The following DUXA variants were observed in gnomAD, a reference collection of about 807,000 sequenced individuals.
DUXA encodes the protein double homeobox protein A.
A neutral mutation model predicts 27.5 loss-of-function variants in DUXA; 25 were observed. The observed-to-expected ratio is 0.91, with a 90% CI of 0.66 to 1.27. The LOEUF (loss-of-function observed/expected upper bound fraction) is 1.27, where lower values mean the gene tolerates loss of function less well. DUXA is among the 50% of genes most tolerant of loss of function. DUXA has a pLI of 0.00. For missense variants in DUXA, 247 were observed against 242.9 expected, an observed-to-expected ratio of 1.02 and a Z score of -0.11; for synonymous variants, 90 against 80.5, an observed-to-expected ratio of 1.12 and a Z score of -0.63.
intron 1 of DUXA, among the ~76,000 whole-genome samples, chr19:57,162,488 C>T (rs1199193516): frequency 6.6e-6 from 1 of 152,204 alleles, no homozygotes; most frequent in Non-Finnish European, 1.5e-5. Flanking sequence ...GCTAGAAGTT[C>T]AGTTAAAAGA....
At chr19:57,163,830 A>AT (rs1048186197) in intron 1 of DUXA, among the ~76,000 whole-genome samples, 7 of 152,004 alleles carry the variant, frequency 4.6e-5, no homozygotes, top group South Asian at 2.1e-4. Context: ...TTTGTCTTAC[A>AT]TTTTTTTCAA....
chr19:57,158,417 T>C lies in DUXA; in HGVS notation c.349A>G (p.Ile117Val), dbSNP rs368196571. 3.1e-6 allele frequency: 5 copies of C among 1,612,924 alleles called. No homozygotes were observed. Among genetic ancestry groups the C allele is most frequent in the African/African-American group, 1.3e-5 (1 of 74,886 alleles). The change falls in exon 4 of 6, where the codon ATC becomes GTC. Residue 117 changes from isoleucine to valine, a missense_variant. By Grantham distance (29) the Ile-to-Val change is conservative (BLOSUM62 3). Transcript: ENST00000554048. ...TATGGGTTTTTCATAAATGCCTTGA[T>C]GAGAGTGTGTAACTGAGAGGCGCTG... ...TYSASQLHTL[I>V]KAFMKNPYPG...
In DUXA at chr19:57,161,435, AAC is replaced by A. The variant is rs2087022047; in HGVS notation, c.26-640_26-639del. On this transcript the variant is annotated intron_variant, in intron 1 of 5. Coordinates refer to ENST00000554048, the MANE Select transcript of DUXA (RefSeq NM_001012729.2). ...TCAGGAGATCGAGACCATCCTGGCT[AAC>A]ATGATGAAACCCCGTCTCTACTAAA... Among the ~76,000 whole-genome samples the A allele has an allele frequency of 2.0e-5, 3 of 150,028 alleles. No homozygotes were observed. The South Asian group carries it at 6.3e-4, about 31-fold the overall frequency.
At chr19:57,159,976 G>T (rs904297173) in intron 2 of DUXA, among the ~76,000 whole-genome samples, 1 of 152,006 alleles carries the variant, frequency 6.6e-6, no homozygotes. Context: ...ATGGCGGCAG[G>T]CGCCTGTAGT....
intron 1 of DUXA, among the ~76,000 whole-genome samples, chr19:57,162,204 A>G (rs1424120742): frequency 1.3e-5 from 2 of 152,064 alleles, no homozygotes; most frequent in East Asian, 1.9e-4. Flanking sequence ...TATTTTTTTT[A>G]CTTTGACCTC....
intron 4 of DUXA, 21 bp from the exon 5 acceptor site, chr19:57,155,393 A>G: frequency 6.4e-7 from 1 of 1,559,190 alleles, no homozygotes; most frequent in Non-Finnish European, 8.8e-7. Flanking sequence ...AGACAAAGAA[A>G]CTTAATTTAA....
rs1374627075 is a variant in DUXA, at chr19:57,165,318, A to T, written c.25+2101T>A. Among the ~76,000 whole-genome samples, 179 of 97,062 alleles carry T rather than the reference A, an allele frequency of 1.8e-3. 1 individual carries two copies. The highest frequency in any genetic ancestry group is 6.1e-3 in the African/African-American group (169 of 27,560). The allele number at this position is 97,062 out of a possible 152,430, so 63.7% of individuals were successfully genotyped here. Reference sequence around the variant, plus strand: ...TACATTTCTGGAGTAGGAAAAAAAAAAAAAAAATATATATATATATATATA... The same window carrying T: ...TACATTTCTGGAGTAGGAAAAAAAATAAAAAAATATATATATATATATATA... On this transcript the variant is annotated intron_variant, in intron 1 of 5. Transcript: ENST00000554048.
chr19:57,166,135 C>G (rs1175043872), intron 1 of DUXA, among the ~76,000 whole-genome samples: 1 of 151,976 alleles, frequency 6.6e-6, no homozygotes, highest in Non-Finnish European at 1.5e-5. Context: ...GGGACGCTGC[C>G]TGTCCTATTT....
At chr19:57,163,803 T>C (rs551733298) in intron 1 of DUXA, among the ~76,000 whole-genome samples, 6 of 152,366 alleles carry the variant, frequency 3.9e-5, no homozygotes, top group African/African-American at 1.4e-4. Context: ...TCTTACTGCG[T>C]TATATTAAAA....
chr19:57,158,445 G>A lies in DUXA; in HGVS notation c.321C>T (p.Thr107=). ...QSREARRCRT[T]YSASQLHTLI... is the part of the protein sequence containing the mutation. ...GAGTGTGTAACTGAGAGGCGCTGTAGGTGGTACGACACCGTCTGGCTTCTC... is the reference window on the plus strand; with the variant it reads ...GAGTGTGTAACTGAGAGGCGCTGTAAGTGGTACGACACCGTCTGGCTTCTC... The change falls in exon 4 of 6, where the codon ACC becomes ACT. Residue 107 remains threonine (T), a synonymous_variant. Coordinates refer to ENST00000554048, the MANE Select transcript of DUXA (RefSeq NM_001012729.2). 4.3e-6 allele frequency: 7 copies of A among 1,613,982 alleles called. No homozygotes were observed. Among genetic ancestry groups the A allele is most frequent in the Non-Finnish European group, 5.9e-6 (7 of 1,179,890 alleles).
intron 1 of DUXA, among the ~76,000 whole-genome samples, chr19:57,164,234 T>C (rs967367626): frequency 2.0e-5 from 3 of 152,244 alleles, no homozygotes; most frequent in Admixed American, 6.5e-5. Context: ...GATGCAAGGA[T>C]GCCTCTGTAC....
At chr19:57,162,499 C>T (rs1320734922) in intron 1 of DUXA, among the ~76,000 whole-genome samples, 1 of 152,178 alleles carries the variant, frequency 6.6e-6, no homozygotes, top group Non-Finnish European at 1.5e-5. Context: ...AGTTAAAAGA[C>T]CAACAGCTTT....
At chr19:57,164,200 T>C (rs1050734910) in intron 1 of DUXA, among the ~76,000 whole-genome samples, 2 of 152,214 alleles carry the variant, frequency 1.3e-5, no homozygotes, top group Non-Finnish European at 2.9e-5. Context: ...TAATTCCTCA[T>C]GACCACATGG....
At chr19:57,154,980 A>G (rs1385786677) in intron 5 of DUXA, among the ~76,000 whole-genome samples, 1 of 152,204 alleles carries the variant, frequency 6.6e-6, no homozygotes, top group Admixed American at 6.5e-5. Flanking sequence ...CACCTTCAAC[A>G]GAAGTGTATT....
chr19:57,166,467 G>A (rs1464058238), intron 1 of DUXA, among the ~76,000 whole-genome samples: 2 of 152,048 alleles, frequency 1.3e-5, no homozygotes, highest in Admixed American at 6.6e-5. Context: ...CCACCACCAC[G>A]CCTGGTTAAT....
intron 1 of DUXA, among the ~76,000 whole-genome samples, chr19:57,166,913 A>T (rs1038895070): frequency 6.6e-6 from 1 of 152,238 alleles, no homozygotes; most frequent in African/African-American, 2.4e-5. Flanking sequence ...AGATATGAAC[A>T]TAGGGAATTC....
chr19:57,154,762 AC>A (rs1415968727), intron 5 of DUXA, among the ~76,000 whole-genome samples: 1 of 151,830 alleles, frequency 6.6e-6, no homozygotes, highest in African/African-American at 2.4e-5. Context: ...ACGGGGTTTC[AC>A]CGTGTTAGCC....
chr19:57,159,830 C>T (rs2087011236), intron 2 of DUXA, among the ~76,000 whole-genome samples: 2 of 151,778 alleles, frequency 1.3e-5, no homozygotes, highest in African/African-American at 4.8e-5. Flanking sequence ...CGGCCAGGTG[C>T]AGTGGCTCAT....
At chr19:57,159,031 G>C in intron 3 of DUXA, 136 bp downstream of exon 3, 1 of 662,170 alleles carries the variant, frequency 1.5e-6, no homozygotes, top group Middle Eastern at 4.2e-4. Context: ...AGAACTTCTA[G>C]GGTACGATGA....
Sources: allele counts gnomAD v4.1 joint callset (sites outside exome capture counted in the v4.1 genomes callset), GRCh38; gene constraint gnomAD v4.1.1; transcripts MANE v1.5; gene names NCBI Gene and HGNC (gene_info 2026-07-23, HGNC 2026-07-21).